FRAS1: variants seen among roughly 807,000 people sequenced by gnomAD.
The protein encoded by FRAS1 is Fraser extracellular matrix complex subunit 1.
A neutral mutation model predicts 435.2 loss-of-function variants in FRAS1; 290 were observed. That is an observed-to-expected ratio of 0.67 (90% CI 0.61 to 0.73). FRAS1 has a LOEUF of 0.73. Ranked by LOEUF, FRAS1 falls within the 30% of genes least tolerant of loss-of-function variation. The pLI, the probability that FRAS1 is intolerant of heterozygous loss-of-function variation, is 0.00. For missense variants in FRAS1, 4,860 were observed against 5,001.5 expected (o/e 0.97, Z 0.85); for synonymous variants, 1,800 against 1,851.0 (o/e 0.97, Z 0.71).
At chr4:78,346,222 G>C (rs929542414) in intron 20 of FRAS1, among the ~76,000 whole-genome samples, 4 of 152,188 alleles carry the variant, frequency 2.6e-5, no homozygotes, top group African/African-American at 9.7e-5. Context: ...GCAAACATGA[G>C]CATCAGCGTC....
intron 45 of FRAS1, 122 bp from the exon 46 acceptor site, chr4:78,451,650 C>A: frequency 1.5e-6 from 1 of 672,096 alleles, no homozygotes; most frequent in African/African-American, 1.8e-5. Context: ...AAAGCAGTGT[C>A]AAAGCGAGGA....
chr4:78,365,534 G>A (rs1731229771), intron 22 of FRAS1, among the ~76,000 whole-genome samples: 2 of 152,068 alleles, frequency 1.3e-5, no homozygotes, highest in South Asian at 2.1e-4. Flanking sequence ...AAAATACATT[G>A]CATTGAATTA....
At chr4:78,081,306 C>T (rs1208034972) in intron 2 of FRAS1, among the ~76,000 whole-genome samples, 1 of 152,150 alleles carries the variant, frequency 6.6e-6, no homozygotes, top group African/African-American at 2.4e-5. Flanking sequence ...TCACATGTGG[C>T]TACTGAGCAC....
At chr4:78,069,485 C>T (rs1384436187) in intron 2 of FRAS1, among the ~76,000 whole-genome samples, 1 of 152,146 alleles carries the variant, frequency 6.6e-6, no homozygotes, top group East Asian at 1.9e-4. Context: ...AGTCATGGCC[C>T]TGGCGGTCAG....
intron 2 of FRAS1, among the ~76,000 whole-genome samples, chr4:78,210,583 C>T (rs1353421430): frequency 6.6e-6 from 1 of 152,120 alleles, no homozygotes; most frequent in Admixed American, 6.5e-5. Flanking sequence ...CTTCCTCTGC[C>T]CCAGGCTTTT....
Position 78,334,363 on chromosome 4 carries a change from C to CTTTTTT in FRAS1, c.2278+972_2278+977dup, listed in dbSNP as rs1007481617. On this transcript the variant is annotated intron_variant, in intron 19 of 73. Coordinates refer to ENST00000512123, the MANE Select transcript of FRAS1 (RefSeq NM_025074.7). Reference sequence around the variant, plus strand: ...AAAACATAAAGTCATAACCAATTTTCTTTTTTTTTTTTTTTTTTTTTTTTT... The same window carrying CTTTTTT: ...AAAACATAAAGTCATAACCAATTTTCTTTTTTTTTTTTTTTTTTTTTTTTTTTTTTT... Among the ~76,000 whole-genome samples, 26 of 92,276 alleles carry CTTTTTT rather than the reference C, an allele frequency of 2.8e-4. 4 individuals are homozygous for CTTTTTT. The highest frequency in any genetic ancestry group is 1.1e-3 in the East Asian group (3 of 2,662). 60.5% of individuals were successfully genotyped at this position (92,276 alleles called of 152,430 possible).
chr4:78,120,160 A>T (rs1359052191), intron 2 of FRAS1, among the ~76,000 whole-genome samples: 1 of 152,182 alleles, frequency 6.6e-6, no homozygotes, highest in African/African-American at 2.4e-5. Context: ...ATGCACACTG[A>T]TTTCTTCTGA....
In FRAS1 at chr4:78,206,853, G is replaced by A. The variant is rs375511641; in HGVS notation, c.109-30657G>A. On this transcript the variant is annotated intron_variant, in intron 2 of 73. Transcript: ENST00000512123. ...TAGAAGACAAAGCCTGGGACCTGCT[G>A]TCCCTCTTTCTGCTCTTGGGAATTT... Among the ~76,000 whole-genome samples, 177 of 152,310 alleles carry A rather than the reference G, an allele frequency of 1.2e-3. 7 individuals carry two copies. In the South Asian group the frequency reaches 0.035, roughly 30 times the overall value.
intron 2 of FRAS1, among the ~76,000 whole-genome samples, chr4:78,224,932 G>C (rs1258245222): frequency 6.6e-6 from 1 of 152,128 alleles, no homozygotes; most frequent in Non-Finnish European, 1.5e-5. Flanking sequence ...ATTTTGAAAG[G>C]TACCCTTTCT....
rs763150224 is a variant in FRAS1 at position 78,418,946 on chromosome 4, T to C, written c.4426-3T>C. Reference sequence around the variant, plus strand: ...TTCCTCTTCCTTCTTAAACTTTGTTTAGGCTAGAGAAGATGGCCTGACTGT... The same window carrying C: ...TTCCTCTTCCTTCTTAAACTTTGTTCAGGCTAGAGAAGATGGCCTGACTGT... On this transcript the variant is annotated splice_polypyrimidine_tract_variant and splice_region_variant and intron_variant, in intron 32 of 73. Coordinates refer to ENST00000512123, the MANE Select transcript of FRAS1 (RefSeq NM_025074.7). The C allele has an allele frequency of 6.4e-7, 1 of 1,564,258 alleles. No individual in the cohort carries two copies. The highest frequency in any genetic ancestry group is 8.7e-7 in the Non-Finnish European group (1 of 1,143,498).
chr4:78,470,094 A>G lies in FRAS1; in HGVS notation c.7371+3A>G, dbSNP rs759710469. On this transcript the variant is annotated splice_donor_region_variant and intron_variant, in intron 51 of 73. Coordinates refer to ENST00000512123, the MANE Select transcript of FRAS1 (RefSeq NM_025074.7). ...GGCTGGAATACATGGATGGCAAGGTAAGGCCTGTCCCTCTGTCATGTTCAC... is the reference window on the plus strand; with the variant it reads ...GGCTGGAATACATGGATGGCAAGGTGAGGCCTGTCCCTCTGTCATGTTCAC... 2 of 1,596,392 alleles carry G rather than the reference A, an allele frequency of 1.3e-6. No individual in the cohort carries two copies. The highest frequency in any genetic ancestry group is 2.2e-5 in the South Asian group (2 of 90,172).
chr4:78,383,498 C>T (rs990585496), intron 27 of FRAS1, among the ~76,000 whole-genome samples: 3 of 152,160 alleles, frequency 2.0e-5, no homozygotes, highest in South Asian at 2.1e-4. Flanking sequence ...AGTTGCAAAT[C>T]GCCAGGGAAG....
At chr4:78,539,805 T>C (rs992088265) in intron 73 of FRAS1, among the ~76,000 whole-genome samples, 1 of 152,188 alleles carries the variant, frequency 6.6e-6, no homozygotes, top group South Asian at 2.1e-4. Context: ...CATAATACAA[T>C]ACAGCAATTT....
intron 9 of FRAS1, among the ~76,000 whole-genome samples, chr4:78,277,611 G>T (rs1727117031): frequency 6.6e-6 from 1 of 152,006 alleles, no homozygotes; most frequent in Admixed American, 6.6e-5. Context: ...CAGATTTTCT[G>T]GGAGATGGGA....
intron 20 of FRAS1, among the ~76,000 whole-genome samples, chr4:78,355,270 A>AGT (rs1730804926): frequency 6.6e-6 from 1 of 151,766 alleles, no homozygotes; most frequent in Non-Finnish European, 1.5e-5. Flanking sequence ...AAGGAGGTAC[A>AGT]TATACAAACA....
Position 78,363,908 on chromosome 4 carries a change from A to G in FRAS1, c.2576A>G (p.Lys859Arg), listed in dbSNP as rs1299875699. ...TGTTGTGTCTCTTTTTCCTCTGCAG[A>G]ATGCCACTCCTCCTGCAGAACCTGC... ...GYYAERGACKKCHSSCRTCQG... is the reference protein window; with the variant it reads ...GYYAERGACKRCHSSCRTCQG... The change falls in exon 22 of 74, where the codon AAA becomes AGA. Residue 859 changes from lysine to arginine, a missense_variant and splice_region_variant. Coordinates refer to ENST00000512123, the MANE Select transcript of FRAS1 (RefSeq NM_025074.7). The G allele has an allele frequency of 1.2e-6, 2 of 1,607,318 alleles. No individual in the cohort carries two copies. The highest frequency in any genetic ancestry group is 2.7e-5 in the African/African-American group (2 of 74,564).
intron 19 of FRAS1, among the ~76,000 whole-genome samples, chr4:78,335,621 G>A (rs1730140178): frequency 6.6e-6 from 1 of 152,202 alleles, no homozygotes; most frequent in African/African-American, 2.4e-5. Flanking sequence ...ATGGAGACAA[G>A]CTACCTTGGG....
chr4:78,481,721 G>A, intron 56 of FRAS1, 83 bp from the exon 57 acceptor site: 1 of 1,481,822 alleles, frequency 6.7e-7, no homozygotes, highest in South Asian at 1.1e-5. Context: ...CACTATTGCA[G>A]TGAGGGAGAA....
chr4:78,397,077 C>T (rs995988566), intron 29 of FRAS1, among the ~76,000 whole-genome samples: 1 of 149,894 alleles, frequency 6.7e-6, no homozygotes, highest in African/African-American at 2.5e-5. Context: ...TATTTTGTTC[C>T]TTGGGTGGTA....
Sources: allele counts gnomAD v4.1 joint callset (sites outside exome capture counted in the v4.1 genomes callset), GRCh38; gene constraint gnomAD v4.1.1; transcripts MANE v1.5; gene names NCBI Gene and HGNC (gene_info 2026-07-23, HGNC 2026-07-21).